Variants in DIAPH2 observed in about 807,000 individuals in gnomAD.
DIAPH2 encodes the protein diaphanous related formin 2.
Under a neutral mutation model 92.7 loss-of-function variants are expected in DIAPH2, and 35 were observed. The observed-to-expected ratio is 0.38, with a 90% confidence interval of 0.29 to 0.50. DIAPH2 has a LOEUF of 0.50. Ranked by LOEUF, DIAPH2 falls within the 20% of genes least tolerant of loss-of-function variation. DIAPH2 has a pLI of 0.94. For missense variants in DIAPH2, 701 were observed against 819.5 expected (o/e 0.86, Z 1.77); for synonymous variants, 301 against 280.4 (o/e 1.07, Z -0.73).
chrX:97,133,579 G>A (rs188886983), intron 21 of DIAPH2, among the ~76,000 whole-genome samples: 10 of 112,251 alleles, frequency 8.9e-5, no homozygotes, highest in Admixed American at 3.8e-4. Flanking sequence ...GAGCCACTAC[G>A]TCCGGCCAAG....
chrX:97,356,914 T>G (rs967882849), intron 24 of DIAPH2, among the ~76,000 whole-genome samples: 3 of 111,945 alleles, frequency 2.7e-5, no homozygotes, highest in African/African-American at 9.7e-5. Flanking sequence ...CAGAATTGTT[T>G]ATGACAAGCT....
chrX:96,691,830 T>C (rs950258060), intron 1 of DIAPH2, among the ~76,000 whole-genome samples: 1 of 111,758 alleles, frequency 8.9e-6, no homozygotes, highest in African/African-American at 3.2e-5. Context: ...CAGGCCTAGG[T>C]AGGAATCCAA....
At chrX:97,479,977 G>A (rs1349609480) in intron 26 of DIAPH2, among the ~76,000 whole-genome samples, 1 of 111,860 alleles carries the variant, frequency 8.9e-6, no homozygotes, top group Non-Finnish European at 1.9e-5. Flanking sequence ...CATTGGGATG[G>A]AATTAAGTAA....
rs1478383744 is a variant in DIAPH2, at chrX:96,685,050, C to T, written c.-9C>T. ...GGTTACAGGGCACAGGTGACAGGGC[C>T]GGAGAAAGATGGAGCAGCCCGGGGC... is the stretch of plus-strand genomic sequence containing the variant. On this transcript the variant is annotated 5_prime_UTR_variant, in exon 1 of 27. Coordinates refer to ENST00000324765, the MANE Select transcript of DIAPH2 (RefSeq NM_006729.5). 5.0e-6 allele frequency: 5 copies of T among 991,802 alleles called. No homozygotes were observed. Among genetic ancestry groups the T allele is most frequent in the East Asian group, 4.1e-5 (1 of 24,221 alleles). 81.7% of individuals were successfully genotyped at this position (991,802 alleles called of 1,213,427 possible).
chrX:96,928,922 T>G (rs2065601182), intron 9 of DIAPH2, among the ~76,000 whole-genome samples: 1 of 111,809 alleles, frequency 8.9e-6, no homozygotes, highest in African/African-American at 3.2e-5. Flanking sequence ...ATTATCTTTA[T>G]TGTCTCCTGA....
At chrX:97,085,451 G>A (rs1353805371) in intron 19 of DIAPH2, among the ~76,000 whole-genome samples, 1 of 111,284 alleles carries the variant, frequency 9.0e-6, no homozygotes, top group Non-Finnish European at 1.9e-5. Flanking sequence ...TTGAGATGGA[G>A]CCTCGTTTAG....
Position 97,490,188 on chromosome X carries a change from C to T in DIAPH2, c.3241+60443C>T, listed in dbSNP as rs944901243. 3.6e-5 allele frequency among the ~76,000 whole-genome samples: 4 copies of T among 110,142 alleles called. No homozygotes were observed. In the Admixed American group the frequency reaches 3.9e-4, roughly 11 times the overall value. On this transcript the variant is annotated intron_variant, in intron 26 of 26. Coordinates refer to ENST00000324765, the MANE Select transcript of DIAPH2 (RefSeq NM_006729.5). ...ATATAACCATTGCTTCGAGATTATC[C>T]AATTTGTTGGTGTATAATTCTTCAT...
chrX:97,252,614 A>G (rs746218500), intron 23 of DIAPH2, among the ~76,000 whole-genome samples: 1 of 112,053 alleles, frequency 8.9e-6, no homozygotes, highest in African/African-American at 3.2e-5. Context: ...TGCCAGTAAC[A>G]GGTTTCAGGG....
chrX:97,172,679 G>A (rs1220853366), intron 22 of DIAPH2, among the ~76,000 whole-genome samples: 2 of 111,909 alleles, frequency 1.8e-5, no homozygotes, highest in Non-Finnish European at 3.8e-5. Context: ...ATGAAAAGAG[G>A]GCTCAAATGA....
intron 17 of DIAPH2, among the ~76,000 whole-genome samples, chrX:97,016,621 T>C (rs2066262912): frequency 8.9e-6 from 1 of 111,866 alleles, no homozygotes. Context: ...TTTGAGACTG[T>C]AGCCACTGTT....
intron 4 of DIAPH2, among the ~76,000 whole-genome samples, chrX:96,826,932 G>T (rs1263665133): frequency 2.7e-5 from 3 of 110,879 alleles, no homozygotes; most frequent in Non-Finnish European, 5.7e-5. Flanking sequence ...CTTACCCAAG[G>T]TTATATATCT....
intron 22 of DIAPH2, among the ~76,000 whole-genome samples, chrX:97,150,252 C>T (rs1398470574): frequency 9.0e-6 from 1 of 111,472 alleles, no homozygotes; most frequent in Non-Finnish European, 1.9e-5. Context: ...CATTACCAAA[C>T]AATGTTATCA....
At chrX:97,185,452 TGTGTATATATATATATATACAC>T (rs1350326331) in intron 22 of DIAPH2, among the ~76,000 whole-genome samples, 1 of 35,993 alleles carries the variant, frequency 2.8e-5, no homozygotes, top group Non-Finnish European at 4.3e-5. Context: ...TATATATGTG[TGTGTATATATATATATATACAC>T]ATATATATAT....
intron 17 of DIAPH2, among the ~76,000 whole-genome samples, chrX:96,990,479 C>T (rs2066062144): frequency 8.9e-6 from 1 of 111,979 alleles, no homozygotes. Flanking sequence ...GCCACTGCAC[C>T]TGGCTCTTAT....
intron 25 of DIAPH2, among the ~76,000 whole-genome samples, chrX:97,388,818 AAAAT>A (rs2069626107): frequency 8.9e-6 from 1 of 111,783 alleles, no homozygotes; most frequent in African/African-American, 3.2e-5. Flanking sequence ...TTTTCATGTT[AAAAT>A]AAATAACCTT....
chrX:96,990,001 C>G (rs920461195), intron 17 of DIAPH2, among the ~76,000 whole-genome samples: 4 of 112,050 alleles, frequency 3.6e-5, no homozygotes, highest in African/African-American at 1.3e-4. Context: ...GTTGCACATA[C>G]AAACACATCT....
chrX:96,711,334 A>G (rs2063916703), intron 1 of DIAPH2, among the ~76,000 whole-genome samples: 1 of 111,984 alleles, frequency 8.9e-6, no homozygotes, highest in Non-Finnish European at 1.9e-5. Context: ...CATCCATGCC[A>G]ACATCTATTA....
intron 4 of DIAPH2, among the ~76,000 whole-genome samples, chrX:96,821,027 G>A (rs1338719484): frequency 9.0e-6 from 1 of 111,432 alleles, no homozygotes; most frequent in Non-Finnish European, 1.9e-5. Flanking sequence ...ACTTGGTCTG[G>A]TGGCAAAACA....
chrX:97,284,610 CA>C (rs756436081), intron 23 of DIAPH2, among the ~76,000 whole-genome samples: 985 of 43,216 alleles, frequency 0.023, 18 homozygotes, highest in African/African-American at 0.075. Context: ...AGCTCCGTCT[CA>C]AAAAAAAAAA....
Sources: allele counts gnomAD v4.1 joint callset (sites outside exome capture counted in the v4.1 genomes callset), GRCh38; gene constraint gnomAD v4.1.1; transcripts MANE v1.5; gene names NCBI Gene and HGNC (gene_info 2026-07-23, HGNC 2026-07-21).